MARCHF1: variants seen among roughly 807,000 people sequenced by gnomAD.
MARCHF1 encodes the protein membrane associated ring-CH-type finger 1, also known as E3 ubiquitin-protein ligase MARCHF1.
A neutral mutation model predicts 54.2 loss-of-function variants in MARCHF1; 40 were observed. That is an observed-to-expected ratio of 0.74 (90% CI 0.57 to 0.96). The LOEUF (loss-of-function observed/expected upper bound fraction) is 0.96, where lower values mean the gene tolerates loss of function less well. Among genes scored for constraint, MARCHF1 ranks in the 40% least tolerant of loss-of-function variants. The probability of loss-of-function intolerance (pLI) is 0.00; values close to 1 mark genes in which losing one functional copy is unlikely to be tolerated. For missense variants in MARCHF1, 586 were observed against 656.5 expected, an observed-to-expected ratio of 0.89 and a Z score of 1.17; for synonymous variants, 236 against 236.3, an observed-to-expected ratio of 1.00 and a Z score of 0.01.
intron 8 of MARCHF1, among the ~76,000 whole-genome samples, chr4:163,552,099 C>T (rs1258733889): frequency 6.6e-6 from 1 of 152,196 alleles, no homozygotes; most frequent in East Asian, 1.9e-4. Flanking sequence ...TTCTCTTCCA[C>T]GTTAGGTCCA....
chr4:164,203,054 C>T (rs1039519160), intron 1 of MARCHF1, among the ~76,000 whole-genome samples: 1 of 151,532 alleles, frequency 6.6e-6, no homozygotes, highest in African/African-American at 2.4e-5. Flanking sequence ...TGGAGCTGTT[C>T]GCCCCCTCTC....
intron 1 of MARCHF1, among the ~76,000 whole-genome samples, chr4:164,275,423 T>G (rs1294293114): frequency 6.6e-6 from 1 of 152,178 alleles, no homozygotes; most frequent in South Asian, 2.1e-4. Context: ...GCACTTATTT[T>G]TTATTCTACT....
intron 3 of MARCHF1, among the ~76,000 whole-genome samples, chr4:163,886,482 G>T (rs1750541951): frequency 1.3e-5 from 2 of 151,878 alleles, no homozygotes; most frequent in South Asian, 4.1e-4. Flanking sequence ...GAGGCAGCTT[G>T]TAAAAAAAAT....
Position 164,049,602 on chromosome 4 carries a change from A to C in MARCHF1, c.-247-60893T>G, listed in dbSNP as rs144656003. On this transcript the variant is annotated intron_variant, in intron 2 of 9. Coordinates refer to ENST00000514618, the MANE Select transcript of MARCHF1 (RefSeq NM_001394959.1). ...ACACTGATTTCCTTATGACACCCTG[A>C]AAACATACCCTTGGATACATATGTT... 1.3e-3 allele frequency among the ~76,000 whole-genome samples: 197 copies of C among 152,312 alleles called. 1 individual carries two copies. The highest frequency in any genetic ancestry group is 4.5e-3 in the African/African-American group (188 of 41,568).
intron 3 of MARCHF1, among the ~76,000 whole-genome samples, chr4:163,939,945 G>A (rs909776774): frequency 6.6e-6 from 1 of 152,142 alleles, no homozygotes; most frequent in Non-Finnish European, 1.5e-5. Context: ...TTGATATGTT[G>A]AAATCCTAAA....
At chr4:163,994,688 T>C (rs1369107309) in intron 2 of MARCHF1, among the ~76,000 whole-genome samples, 1 of 150,596 alleles carries the variant, frequency 6.6e-6, no homozygotes, top group South Asian at 2.1e-4. Context: ...CTGTATGATA[T>C]TAAGGTTCAA....
At chr4:164,020,542 G>C (rs920372915) in intron 2 of MARCHF1, among the ~76,000 whole-genome samples, 2 of 152,216 alleles carry the variant, frequency 1.3e-5, no homozygotes, top group African/African-American at 4.8e-5. Flanking sequence ...CAAGTCTACA[G>C]AGTATATCTT....
chr4:163,829,810 A>G (rs1189694175), intron 4 of MARCHF1, among the ~76,000 whole-genome samples: 1 of 152,224 alleles, frequency 6.6e-6, no homozygotes, highest in Non-Finnish European at 1.5e-5. Flanking sequence ...CTATGTGAAA[A>G]TTAATTAGGC....
intron 3 of MARCHF1, among the ~76,000 whole-genome samples, chr4:163,871,026 G>A (rs763974918): frequency 6.6e-6 from 1 of 151,976 alleles, no homozygotes; most frequent in Non-Finnish European, 1.5e-5. Context: ...AATATTTGAG[G>A]TGATGAATAT....
At chr4:164,281,633 G>T (rs1478935917) in intron 1 of MARCHF1, among the ~76,000 whole-genome samples, 1 of 152,156 alleles carries the variant, frequency 6.6e-6, no homozygotes, top group African/African-American at 2.4e-5. Context: ...TGGCTTCGTA[G>T]GGCTGCAATG....
At chr4:163,763,468 T>G (rs1746887047) in intron 4 of MARCHF1, among the ~76,000 whole-genome samples, 1 of 152,096 alleles carries the variant, frequency 6.6e-6, no homozygotes, top group Non-Finnish European at 1.5e-5. Context: ...TGAAATCTCA[T>G]GCAAAATTGT....
rs559693904 is a variant in MARCHF1 at position 163,935,253 on chromosome 4, C to T, written c.-39+53248G>A. Among the ~76,000 whole-genome samples, 8 of 152,312 alleles carry T rather than the reference C, an allele frequency of 5.3e-5. No individual in the cohort carries two copies. In the South Asian group the frequency reaches 1.7e-3, roughly 32 times the overall value. Reference sequence around the variant, plus strand: ...AGTTACCAGCTGCATTATCCTCTAACAGAAGAGTCAGCCTGTCTTTTGAAG... The same window carrying T: ...AGTTACCAGCTGCATTATCCTCTAATAGAAGAGTCAGCCTGTCTTTTGAAG... On this transcript the variant is annotated intron_variant, in intron 3 of 9. Transcript: ENST00000514618.
rs528754787 is a variant in MARCHF1 at position 164,184,599 on chromosome 4, T to C, written c.-322-72937A>G. Reference sequence around the variant, plus strand: ...CCTATTGATAGAAAACAAACCTCCATAGAAATTAGTTGATAAAGACTCATA... The same window carrying C: ...CCTATTGATAGAAAACAAACCTCCACAGAAATTAGTTGATAAAGACTCATA... On this transcript the variant is annotated intron_variant, in intron 1 of 9. Transcript: ENST00000514618. Among the ~76,000 whole-genome samples the C allele has an allele frequency of 2.0e-4, 30 of 152,266 alleles. 1 individual carries two copies. The highest frequency in any genetic ancestry group is 6.5e-4 in the African/African-American group (27 of 41,546).
intron 3 of MARCHF1, among the ~76,000 whole-genome samples, chr4:163,977,943 C>T (rs1752681467): frequency 6.6e-6 from 1 of 152,042 alleles, no homozygotes; most frequent in Non-Finnish European, 1.5e-5. Context: ...AGCATTACTA[C>T]CATAAAAGTG....
chr4:164,311,042 G>A (rs1734836963), intron 1 of MARCHF1, among the ~76,000 whole-genome samples: 1 of 152,122 alleles, frequency 6.6e-6, no homozygotes, highest in South Asian at 2.1e-4. Context: ...AAAATAAAAA[G>A]TGGAACCATT....
Position 163,585,941 on chromosome 4 carries a change from C to T in MARCHF1, c.1011-12G>A. On this transcript the variant is annotated splice_polypyrimidine_tract_variant and intron_variant, in intron 7 of 9. Coordinates refer to ENST00000514618, the MANE Select transcript of MARCHF1 (RefSeq NM_001394959.1). Reference sequence around the variant, plus strand: ...CGCAGTGACAGATTCTGCAGAAAGACACAGCAGCCAGTATGAGATCTCCCA... The same window carrying T: ...CGCAGTGACAGATTCTGCAGAAAGATACAGCAGCCAGTATGAGATCTCCCA... 3 of 1,593,700 alleles carry T rather than the reference C, an allele frequency of 1.9e-6. No individual in the cohort carries two copies. The highest frequency in any genetic ancestry group is 2.6e-6 in the Non-Finnish European group (3 of 1,170,192).
At chr4:164,280,915 AT>A (rs1734009793) in intron 1 of MARCHF1, among the ~76,000 whole-genome samples, 1 of 152,082 alleles carries the variant, frequency 6.6e-6, no homozygotes, top group African/African-American at 2.4e-5. Flanking sequence ...TAGAACAAAC[AT>A]TTCTGGTTAC....
intron 1 of MARCHF1, among the ~76,000 whole-genome samples, chr4:164,342,471 A>G (rs550111511): frequency 5.5e-4 from 84 of 151,972 alleles, no homozygotes; most frequent in Admixed American, 1.2e-3. Flanking sequence ...ACATGTATAC[A>G]TATGTAACAA....
At chr4:164,188,284 G>T (rs1009031665) in intron 1 of MARCHF1, 2 of 300,960 alleles carry the variant, frequency 6.6e-6, no homozygotes, top group African/African-American at 2.1e-5. Context: ...GGGGTGTTTC[G>T]CAATTGTGAG....
Sources: allele counts gnomAD v4.1 joint callset (sites outside exome capture counted in the v4.1 genomes callset), GRCh38; gene constraint gnomAD v4.1.1; transcripts MANE v1.5; gene names NCBI Gene and HGNC (gene_info 2026-07-23, HGNC 2026-07-21).